TSPAN9: variants seen among roughly 807,000 people sequenced by gnomAD.
TSPAN9 encodes the protein tetraspanin-9.
A neutral mutation model predicts 31.0 loss-of-function variants in TSPAN9; 16 were observed. That is an observed-to-expected ratio of 0.52 (90% CI 0.35 to 0.78). The LOEUF is 0.78. Ranked by LOEUF, TSPAN9 falls within the 30% of genes least tolerant of loss-of-function variation. The pLI, the probability that TSPAN9 is intolerant of heterozygous loss-of-function variation, is 0.01. For missense variants in TSPAN9, 272 were observed against 312.5 expected (o/e 0.87, Z 0.98); for synonymous variants, 145 against 121.6 (o/e 1.19, Z -1.27).
chr12:3,140,710 T>A (rs2098334395), intron 2 of TSPAN9, among the ~76,000 whole-genome samples: 1 of 151,982 alleles, frequency 6.6e-6, no homozygotes, highest in Non-Finnish European at 1.5e-5. Flanking sequence ...AGTTTGGAGT[T>A]TGAGGTAGGA....
rs775570790 is a variant in TSPAN9, at chr12:3,147,928, T to C, written c.-17-53249T>C. 1.3e-5 allele frequency among the ~76,000 whole-genome samples: 2 copies of C among 152,036 alleles called. No individual in the cohort carries two copies. The highest frequency in any genetic ancestry group is 2.9e-5 in the Non-Finnish European group (2 of 67,984). Reference sequence around the variant, plus strand: ...GTCGGGTGGGTCGGGGGGCACAGCTTGGCAGATAAAGGATGGGCTCCTGCA... The same window carrying C: ...GTCGGGTGGGTCGGGGGGCACAGCTCGGCAGATAAAGGATGGGCTCCTGCA... On this transcript the variant is annotated intron_variant, in intron 2 of 8. Coordinates refer to ENST00000011898, the MANE Select transcript of TSPAN9 (RefSeq NM_006675.5). The surrounding 1 kb of genome is among the most constrained non-coding windows in gnomAD (Gnocchi z 4.3).
chr12:3,230,524 C>T (rs1161790157), intron 3 of TSPAN9, among the ~76,000 whole-genome samples: 2 of 152,040 alleles, frequency 1.3e-5, no homozygotes, highest in South Asian at 2.1e-4. Context: ...AACTGAACGT[C>T]CCTAGAAAAC....
At position 3,170,601 on chromosome 12, in the gene TSPAN9, G is replaced by A. The variant is rs963556254; in HGVS notation, c.-17-30576G>A. Among the ~76,000 whole-genome samples, 5 of 149,352 alleles carry A rather than the reference G, an allele frequency of 3.3e-5. No homozygotes were observed. The highest frequency in any genetic ancestry group is 6.7e-5 in the Admixed American group (1 of 15,000). The stretch of plus-strand genomic sequence containing the variant: ...TGAGTCAGTTCTGTGTGGGGGGGTC[G>A]TGATGGGGGAGCAGATGGCCCTGGT... On this transcript the variant is annotated intron_variant, in intron 2 of 8. Coordinates refer to ENST00000011898, the MANE Select transcript of TSPAN9 (RefSeq NM_006675.5). This position sits in a 1 kb window ranked among gnomAD's most constrained non-coding sequence, Gnocchi z 4.4.
At chr12:3,174,337 G>A (rs1054528612) in intron 2 of TSPAN9, among the ~76,000 whole-genome samples, 5 of 152,210 alleles carry the variant, frequency 3.3e-5, no homozygotes, top group African/African-American at 9.6e-5. Context: ...AAAGTGCTGG[G>A]GTTACAGGCT....
At chr12:3,217,459 G>A (rs1008135621) in intron 3 of TSPAN9, among the ~76,000 whole-genome samples, 6 of 152,162 alleles carry the variant, frequency 3.9e-5, no homozygotes, top group Admixed American at 6.5e-5. Context: ...CTGGGAATGA[G>A]CCACTCCTTC....
At chr12:3,241,600 T>C (rs1480272881) in intron 3 of TSPAN9, among the ~76,000 whole-genome samples, 2 of 152,250 alleles carry the variant, frequency 1.3e-5, no homozygotes, top group East Asian at 3.8e-4. Flanking sequence ...GCCTGCATAA[T>C]TTTAAACAAG....
rs978223645 is a variant in TSPAN9 at position 3,165,585 on chromosome 12, C to T, written c.-17-35592C>T. 1.2e-4 allele frequency among the ~76,000 whole-genome samples: 19 copies of T among 152,126 alleles called. 1 individual carries two copies. The highest frequency in any genetic ancestry group is 3.9e-4 in the African/African-American group (16 of 41,442). On this transcript the variant is annotated intron_variant, in intron 2 of 8. Transcript: ENST00000011898. ...AAGGCGAGGGTCACGGAGTGTTTCTCCCCATTGTACAGAAGGAGATACTGA... is the reference window on the plus strand; with the variant it reads ...AAGGCGAGGGTCACGGAGTGTTTCTTCCCATTGTACAGAAGGAGATACTGA...
intron 2 of TSPAN9, among the ~76,000 whole-genome samples, chr12:3,096,636 C>T (rs2153963997): frequency 6.6e-6 from 1 of 152,122 alleles, no homozygotes; most frequent in African/African-American, 2.4e-5. Context: ...TTAAAACCAC[C>T]CATCTTCATA....
chr12:3,096,537 G>A (rs575080411), intron 2 of TSPAN9, among the ~76,000 whole-genome samples: 1 of 152,114 alleles, frequency 6.6e-6, no homozygotes, highest in African/African-American at 2.4e-5. Flanking sequence ...TTTTTTGAAT[G>A]AATGAATGAA....
intron 2 of TSPAN9, among the ~76,000 whole-genome samples, chr12:3,160,047 A>AT (rs1326388068): frequency 6.6e-6 from 1 of 152,216 alleles, no homozygotes; most frequent in Non-Finnish European, 1.5e-5. Context: ...CACCTCAGAA[A>AT]GAAACCCCAT....
intron 2 of TSPAN9, among the ~76,000 whole-genome samples, chr12:3,153,156 TG>T (rs2098340680): frequency 6.6e-6 from 1 of 152,204 alleles, no homozygotes; most frequent in South Asian, 2.1e-4. Flanking sequence ...GCCTTACCCC[TG>T]TGGCAGTCCC....
At chr12:3,137,296 T>C (rs1320068855) in intron 2 of TSPAN9, among the ~76,000 whole-genome samples, 1 of 152,150 alleles carries the variant, frequency 6.6e-6, no homozygotes, top group Non-Finnish European at 1.5e-5. Context: ...CCTGCCCACG[T>C]TTCCCCGGGC....
intron 2 of TSPAN9, among the ~76,000 whole-genome samples, chr12:3,190,342 TC>T (rs1449692642): frequency 2.6e-5 from 4 of 152,350 alleles, no homozygotes; most frequent in African/African-American, 7.2e-5. Flanking sequence ...TCATCACACT[TC>T]CGTGTGCCCG....
intron 2 of TSPAN9, among the ~76,000 whole-genome samples, chr12:3,145,994 G>A (rs1246542394): frequency 1.3e-5 from 2 of 152,252 alleles, no homozygotes; most frequent in Non-Finnish European, 2.9e-5. Flanking sequence ...GGCACGCGGG[G>A]CCTGGCGGTG....
intron 3 of TSPAN9, among the ~76,000 whole-genome samples, chr12:3,213,948 T>C (rs1045275251): frequency 6.6e-6 from 1 of 152,208 alleles, no homozygotes; most frequent in African/African-American, 2.4e-5. Flanking sequence ...TGTGCAGCTC[T>C]TCTTGGAAGA....
intron 2 of TSPAN9, among the ~76,000 whole-genome samples, chr12:3,097,388 G>C (rs1192063965): frequency 6.6e-6 from 1 of 152,188 alleles, no homozygotes; most frequent in Non-Finnish European, 1.5e-5. Flanking sequence ...AGATCTCTCT[G>C]GCATTCCCAG....
chr12:3,162,783 C>T (rs1425574133), intron 2 of TSPAN9, among the ~76,000 whole-genome samples: 1 of 152,142 alleles, frequency 6.6e-6, no homozygotes, highest in Non-Finnish European at 1.5e-5. Context: ...ATGGTTATAC[C>T]AGGCTCTAGG....
intron 3 of TSPAN9, among the ~76,000 whole-genome samples, chr12:3,235,161 C>T (rs1351212630): frequency 6.3e-5 from 7 of 110,376 alleles, no homozygotes; most frequent in African/African-American, 1.4e-4. Flanking sequence ...CCAGCCTGTG[C>T]GACAGAGCGA....
At chr12:3,211,851 G>A (rs1022437874) in intron 3 of TSPAN9, 38 of 1,595,242 alleles carry the variant, frequency 2.4e-5, no homozygotes, top group African/African-American at 6.7e-5. Context: ...TGCACCAGGC[G>A]TTTCTTCTTG....
Sources: gnomAD v4.1 joint callset for allele counts (sites outside exome capture counted in the v4.1 genomes callset) on GRCh38, gnomAD v4.1.1 for gene constraint, Gnocchi (gnomAD v3.1) non-coding constraint, MANE v1.5 for transcripts, NCBI Gene and HGNC (gene_info 2026-07-23, HGNC 2026-07-21) for gene names.